Variants in CCDC15 observed in about 807,000 individuals in gnomAD.
The protein encoded by CCDC15 is coiled-coil domain-containing protein 15.
In CCDC15, 105 loss-of-function variants were observed where a neutral mutation model predicts 114.5. The ratio of observed to expected loss-of-function variants is 0.92; its 90% CI spans 0.78 to 1.08. The LOEUF (loss-of-function observed/expected upper bound fraction) is 1.08. CCDC15 is among the 50% of genes least tolerant of loss of function. The pLI is 0.00. For synonymous variants in CCDC15, 334 were observed against 377.8 expected (o/e 0.88, Z 1.34); for missense variants, 1,105 against 1,093.6 (o/e 1.01, Z -0.15).
intron 11 of CCDC15, among the ~76,000 whole-genome samples, chr11:124,997,479 G>T (rs1168123220): frequency 2.0e-5 from 3 of 151,962 alleles, no homozygotes; most frequent in African/African-American, 7.3e-5. Context: ...TGTAGAGACA[G>T]GGTCTTGCTG....
At chr11:124,960,946 G>A (rs551321655) in intron 4 of CCDC15, among the ~76,000 whole-genome samples, 9 of 152,276 alleles carry the variant, frequency 5.9e-5, no homozygotes, top group African/African-American at 2.2e-4. Flanking sequence ...AACATACTTG[G>A]TCAAAATTTA....
intron 13 of CCDC15, among the ~76,000 whole-genome samples, chr11:125,023,549 C>G (rs760086504): frequency 6.7e-4 from 102 of 151,968 alleles, no homozygotes; most frequent in Non-Finnish European, 1.3e-3. Flanking sequence ...AAAAGATGCT[C>G]AAATCATAGT....
At chr11:124,999,475 TTC>T (rs1444206585) in intron 11 of CCDC15, among the ~76,000 whole-genome samples, 2 of 152,162 alleles carry the variant, frequency 1.3e-5, no homozygotes, top group East Asian at 3.8e-4. Context: ...GTCTTATTTT[TTC>T]TCTTTGTTCT....
intron 15 of CCDC15, among the ~76,000 whole-genome samples, chr11:125,039,849 G>A (rs764268536): frequency 1.3e-5 from 2 of 152,072 alleles, no homozygotes; most frequent in Non-Finnish European, 2.9e-5. Context: ...GCTATTCCCA[G>A]TATGTGCCAT....
chr11:124,976,645 A>G (rs1181100543), intron 5 of CCDC15, among the ~76,000 whole-genome samples: 1 of 152,168 alleles, frequency 6.6e-6, no homozygotes, highest in African/African-American at 2.4e-5. Context: ...CACAGTTATC[A>G]GATCTTAGAG....
intron 6 of CCDC15, among the ~76,000 whole-genome samples, chr11:124,979,911 A>G (rs1259476274): frequency 6.6e-6 from 1 of 152,136 alleles, no homozygotes; most frequent in Non-Finnish European, 1.5e-5. Flanking sequence ...GTTTTTTGTT[A>G]TAGATGGCTA....
intron 6 of CCDC15, among the ~76,000 whole-genome samples, chr11:124,977,939 G>A (rs1295680236): frequency 1.3e-5 from 2 of 152,006 alleles, no homozygotes; most frequent in East Asian, 1.9e-4. Flanking sequence ...ACAGGGGTTT[G>A]GTGTACAGAT....
rs1006467046 is a variant in CCDC15, at chr11:125,041,448, C to A, written c.*737C>A. 4 of 151,910 alleles carry A rather than the reference C, an allele frequency of 2.6e-5. No individual in the cohort carries two copies. Among genetic ancestry groups the A allele is most frequent in the Non-Finnish European group, 5.9e-5 (4 of 67,946 alleles). 9.4% of individuals were successfully genotyped at this position (151,910 alleles called of 1,614,324 possible). A position where few individuals can be genotyped will look rare whatever the true frequency, so the allele number is the denominator to read the frequency against. ...TTTAAAAACCTGGTATATGACATGG[C>A]TACAGGGCAAATGAAATAAAAATTG... On this transcript the variant is annotated 3_prime_UTR_variant, in exon 16 of 16. Transcript: ENST00000344762.
chr11:125,022,836 T>C (rs1948670620), intron 13 of CCDC15, among the ~76,000 whole-genome samples: 1 of 151,984 alleles, frequency 6.6e-6, no homozygotes, highest in Non-Finnish European at 1.5e-5. Flanking sequence ...AATTCTATTC[T>C]AGAACTCAGT....
Position 124,987,187 on chromosome 11 carries a change from C to G in CCDC15, c.961C>G (p.His321Asp), listed in dbSNP as rs1167334116. ...GGAAGAGGAAGAACAAAAGCAGTTA[C>G]ATTTTGAGGGCCTTCAGGATATTCT... Reference protein sequence around the residue: ...LMEEEEQKQLHFEGLQDILPE... With the variant: ...LMEEEEQKQLDFEGLQDILPE... Residue 321 changes from histidine (H) to aspartate (D), a missense_variant, in exon 8 of 16, where the codon CAT becomes GAT. Transcript: ENST00000344762. 18 of 1,522,856 alleles carry G rather than the reference C, an allele frequency of 1.2e-5. No individual in the cohort carries two copies. Among genetic ancestry groups the G allele is most frequent in the Admixed American group, 2.3e-5 (1 of 43,962 alleles). The allele number at this position is 1,522,856 out of a possible 1,614,324, so 94.3% of individuals were successfully genotyped here. A position where few individuals can be genotyped will look rare whatever the true frequency, so the allele number is the denominator to read the frequency against.
At chr11:124,955,000 C>T (rs76384686) in intron 2 of CCDC15, 91 bp downstream of exon 2, 36,786 of 1,112,382 alleles carry the variant, frequency 0.033, 711 homozygotes, top group Non-Finnish European at 0.041. Flanking sequence ...GATGAACAGT[C>T]CGAGGATGCT....
chr11:125,022,100 T>C (rs1381873125), intron 13 of CCDC15, among the ~76,000 whole-genome samples: 1 of 151,948 alleles, frequency 6.6e-6, no homozygotes, highest in Non-Finnish European at 1.5e-5. Flanking sequence ...TTTTAACTTT[T>C]GTATTTTAAT....
At chr11:124,986,123 T>C (rs1179179729) in intron 6 of CCDC15, among the ~76,000 whole-genome samples, 1 of 152,204 alleles carries the variant, frequency 6.6e-6, no homozygotes, top group Non-Finnish European at 1.5e-5. Context: ...TATTCTTTCC[T>C]CATTGAATTT....
intron 5 of CCDC15, among the ~76,000 whole-genome samples, chr11:124,975,650 AT>A (rs1268810906): frequency 6.6e-6 from 1 of 152,124 alleles, no homozygotes; most frequent in Non-Finnish European, 1.5e-5. Context: ...ATAGAATATA[AT>A]TTCAAGTGAT....
At chr11:124,954,619 T>G in intron 1 of CCDC15, 105 bp from the exon 2 acceptor site, 1 of 932,710 alleles carries the variant, frequency 1.1e-6, no homozygotes, top group Non-Finnish European at 1.6e-6. Context: ...GGCTTCTGCC[T>G]CCAGGGCTTC....
intron 2 of CCDC15, among the ~76,000 whole-genome samples, chr11:124,955,764 A>G (rs1283224935): frequency 1.3e-5 from 2 of 152,232 alleles, no homozygotes; most frequent in Admixed American, 6.5e-5. Flanking sequence ...AAAGTAATGC[A>G]ATATACTATA....
intron 13 of CCDC15, among the ~76,000 whole-genome samples, chr11:125,032,924 G>A (rs564984442): frequency 6.6e-6 from 1 of 152,238 alleles, no homozygotes; most frequent in Non-Finnish European, 1.5e-5. Context: ...CTCAGAGTCA[G>A]TGTCCAGTAG....
intron 6 of CCDC15, among the ~76,000 whole-genome samples, chr11:124,979,046 A>G (rs1948023331): frequency 6.6e-6 from 1 of 151,966 alleles, no homozygotes; most frequent in South Asian, 2.1e-4. Flanking sequence ...GTACCACTGA[A>G]TTGGGAGTCC....
intron 13 of CCDC15, among the ~76,000 whole-genome samples, chr11:125,019,221 T>G (rs1948647274): frequency 6.6e-6 from 1 of 151,964 alleles, no homozygotes; most frequent in Non-Finnish European, 1.5e-5. Flanking sequence ...GATCGTTATA[T>G]ATTAAGTCCT....
Sources: gnomAD v4.1 joint callset for allele counts (sites outside exome capture counted in the v4.1 genomes callset) on GRCh38, gnomAD v4.1.1 for gene constraint, MANE v1.5 for transcripts, NCBI Gene and HGNC (gene_info 2026-07-23, HGNC 2026-07-21) for gene names.